BCAS3: variants seen among roughly 807,000 people sequenced by gnomAD.
BCAS3 encodes the protein BCAS3 microtubule associated cell migration factor.
BCAS3 carries 53 observed loss-of-function variants against 116.1 expected under a neutral mutation model. The ratio of observed to expected loss-of-function variants is 0.46; its 90% CI spans 0.37 to 0.57. The LOEUF (loss-of-function observed/expected upper bound fraction) is 0.57. Ranked by LOEUF, BCAS3 falls within the 20% of genes least tolerant of loss-of-function variation. The probability of loss-of-function intolerance (pLI) is 0.00; values close to 1 mark genes in which losing one functional copy is unlikely to be tolerated. For missense variants in BCAS3, 917 were observed against 1,165.4 expected, an observed-to-expected ratio of 0.79 and a Z score of 3.10; for synonymous variants, 391 against 408.2, an observed-to-expected ratio of 0.96 and a Z score of 0.51.
intron 22 of BCAS3, among the ~76,000 whole-genome samples, chr17:61,121,232 A>G (rs186772463): frequency 2.0e-5 from 3 of 152,284 alleles, no homozygotes; most frequent in African/African-American, 7.2e-5. Flanking sequence ...AGAGATGTAG[A>G]TATATAGATA....
intron 9 of BCAS3, 28 bp downstream of exon 9, chr17:60,874,766 A>T (rs1388534848): frequency 1.3e-6 from 2 of 1,508,868 alleles, no homozygotes; most frequent in Admixed American, 3.4e-5. Flanking sequence ...TTCCCTTCTT[A>T]TGCCTTTGGG....
At chr17:60,826,979 T>A (rs943029417) in intron 7 of BCAS3, among the ~76,000 whole-genome samples, 1 of 152,176 alleles carries the variant, frequency 6.6e-6, no homozygotes, top group Non-Finnish European at 1.5e-5. Context: ...TATTTGATAA[T>A]TTTTTTCATA....
intron 22 of BCAS3, among the ~76,000 whole-genome samples, chr17:61,191,835 A>C (rs1178758325): frequency 6.6e-6 from 1 of 150,902 alleles, no homozygotes; most frequent in African/African-American, 2.5e-5. Context: ...CAGCAGTAAA[A>C]TAATAGACAT....
At chr17:60,925,696 T>C (rs2059331922) in intron 13 of BCAS3, among the ~76,000 whole-genome samples, 1 of 152,182 alleles carries the variant, frequency 6.6e-6, no homozygotes, top group Admixed American at 6.5e-5. Flanking sequence ...TCAAAAGTGG[T>C]ATAAATGCCT....
intron 13 of BCAS3, among the ~76,000 whole-genome samples, chr17:60,939,461 C>T (rs2060113236): frequency 6.6e-6 from 1 of 151,960 alleles, no homozygotes; most frequent in Non-Finnish European, 1.5e-5. Context: ...AAACTAGAAA[C>T]AGCTACGGAA....
At position 60,990,782 on chromosome 17, in the gene BCAS3, G is replaced by T. The variant is rs1048732488; in HGVS notation, c.1486+547G>T. On this transcript the variant is annotated intron_variant, in intron 15 of 23. Transcript: ENST00000407086. This position sits in a 1 kb window ranked among gnomAD's most constrained non-coding sequence, Gnocchi z 5.1. ...CTGCCTCAGCCTCCCGAGCAGCTGG[G>T]ATTACAGGCATCCGCCACCACGCCT... is the stretch of plus-strand genomic sequence containing the variant. Among the ~76,000 whole-genome samples, 1 of 152,100 alleles carries T rather than the reference G, an allele frequency of 6.6e-6. No individual in the cohort carries two copies. The highest frequency in any genetic ancestry group is 2.1e-4 in the South Asian group (1 of 4,824).
chr17:61,339,257 C>T lies in BCAS3; in HGVS notation c.2426-29070C>T, dbSNP rs74469369. ...CGGTTTTACTCCCTGCCCCTAGTGC[C>T]CACCTCTCCTTCATCCCAGGTCACA... is the stretch of plus-strand genomic sequence containing the variant. On this transcript the variant is annotated intron_variant, in intron 22 of 23. Transcript: ENST00000407086. This position sits in a 1 kb window ranked among gnomAD's most constrained non-coding sequence, Gnocchi z 4.4. 0.011 allele frequency among the ~76,000 whole-genome samples: 1,736 copies of T among 152,298 alleles called. 31 individuals are homozygous for T. Among genetic ancestry groups the T allele is most frequent in the East Asian group, 0.054 (278 of 5,172 alleles).
intron 4 of BCAS3, among the ~76,000 whole-genome samples, chr17:60,700,093 G>A (rs563073646): frequency 2.0e-5 from 3 of 151,536 alleles, no homozygotes; most frequent in African/African-American, 4.9e-5. Context: ...AGGATTCCTC[G>A]AGCCCAGGAG....
At chr17:61,185,056 T>G (rs773885263) in intron 22 of BCAS3, among the ~76,000 whole-genome samples, 10 of 151,844 alleles carry the variant, frequency 6.6e-5, no homozygotes, top group Admixed American at 2.0e-4. Context: ...CCTTTATCAG[T>G]CTCAACACTT....
In BCAS3 at chr17:61,145,187, G is replaced by A. The variant is rs1349884649; in HGVS notation, c.2425+60623G>A. ...TTTTTCAAAGCTTCCTCCCACTGAT[G>A]GCTGAAATTTTCCTTGTGAAATGAT... On this transcript the variant is annotated intron_variant, in intron 22 of 23. Transcript: ENST00000407086. This position sits in a 1 kb window ranked among gnomAD's most constrained non-coding sequence, Gnocchi z 5.0. Among the ~76,000 whole-genome samples the A allele has an allele frequency of 2.0e-5, 3 of 152,104 alleles. No homozygotes were observed. Among genetic ancestry groups the A allele is most frequent in the African/African-American group, 4.8e-5 (2 of 41,406 alleles).
intron 22 of BCAS3, among the ~76,000 whole-genome samples, chr17:61,154,922 T>A (rs2144025486): frequency 1.3e-5 from 2 of 152,316 alleles, no homozygotes; most frequent in South Asian, 4.1e-4. Flanking sequence ...ACTGGTTTTT[T>A]TTTTTTGGTG....
intron 6 of BCAS3, among the ~76,000 whole-genome samples, chr17:60,790,823 A>T (rs1357707916): frequency 1.4e-5 from 2 of 140,326 alleles, no homozygotes; most frequent in Non-Finnish European, 3.0e-5. Context: ...AGCTCACTGC[A>T]GCCTCTGCCT....
intron 2 of BCAS3, among the ~76,000 whole-genome samples, chr17:60,682,707 C>T (rs748255517): frequency 9.9e-5 from 15 of 151,904 alleles, no homozygotes; most frequent in South Asian, 2.1e-4. Flanking sequence ...TATTTAGTAG[C>T]GACAGGGTTT....
intron 22 of BCAS3, among the ~76,000 whole-genome samples, chr17:61,274,125 A>G (rs866412085): frequency 5.3e-4 from 80 of 150,176 alleles, no homozygotes; most frequent in African/African-American, 1.9e-3. Context: ...CCACCCCACA[A>G]CAGTCCCCGG....
intron 19 of BCAS3, among the ~76,000 whole-genome samples, chr17:61,071,244 C>A: frequency 6.6e-6 from 1 of 152,292 alleles, no homozygotes; most frequent in Non-Finnish European, 1.5e-5. Flanking sequence ...AATAACCATG[C>A]TTATTTCAGA....
At position 61,388,515 on chromosome 17, in the gene BCAS3, C is replaced by A; in HGVS notation, c.2594-3462C>A. 9.1e-7 allele frequency: 1 copy of A among 1,093,030 alleles called. No homozygotes were observed. Among genetic ancestry groups the A allele is most frequent in the Non-Finnish European group, 1.3e-6 (1 of 767,812 alleles). The allele number at this position is 1,093,030 out of a possible 1,614,324, so 67.7% of individuals were successfully genotyped here. On this transcript the variant is annotated intron_variant, in intron 23 of 23. Transcript: ENST00000407086. The surrounding 1 kb of genome is among the most constrained non-coding windows in gnomAD (Gnocchi z 6.5). Reference sequence around the variant, plus strand: ...TCCCCCTCCTCACGGTGTGCCCCTGCGCCTCCTGACACCTCTCCACCTGCT... The same window carrying A: ...TCCCCCTCCTCACGGTGTGCCCCTGAGCCTCCTGACACCTCTCCACCTGCT...
intron 22 of BCAS3, among the ~76,000 whole-genome samples, chr17:61,329,337 A>ATTTTT (rs199782162): frequency 1.9e-5 from 2 of 106,228 alleles, no homozygotes; most frequent in Non-Finnish European, 4.4e-5. Flanking sequence ...TATTATTATT[A>ATTTTT]TTATTATTTT....
chr17:60,720,444 T>G (rs1390329505), intron 5 of BCAS3: 2 of 152,234 alleles, frequency 1.3e-5, no homozygotes, highest in Non-Finnish European at 2.9e-5. Context: ...GCGTCTTATC[T>G]TCTTTTGAAA....
chr17:60,939,784 A>G (rs2060127684), intron 13 of BCAS3, among the ~76,000 whole-genome samples: 2 of 152,214 alleles, frequency 1.3e-5, no homozygotes, highest in Admixed American at 6.5e-5. Flanking sequence ...CTGTACATCT[A>G]AAATGAATCT....
Sources: allele counts gnomAD v4.1 joint callset (sites outside exome capture counted in the v4.1 genomes callset), GRCh38; gene constraint gnomAD v4.1.1; non-coding constraint Gnocchi (gnomAD v3.1); transcripts MANE v1.5; gene names NCBI Gene and HGNC (gene_info 2026-07-23, HGNC 2026-07-21).